The following SOX6 variants were observed in gnomAD, a reference collection of about 807,000 sequenced individuals.
The protein encoded by SOX6 is transcription factor SOX-6.
SOX6 carries 11 observed loss-of-function variants against 97.8 expected under a neutral mutation model. The ratio of observed to expected loss-of-function variants is 0.11; its 90% confidence interval spans 0.07 to 0.19. SOX6 has a LOEUF of 0.19. Ranked by LOEUF, SOX6 falls within the 10% of genes least tolerant of loss-of-function variation. The pLI is 1.00. For missense variants in SOX6, 810 were observed against 1,039.5 expected (o/e 0.78, Z 3.04); for synonymous variants, 360 against 371.4 (o/e 0.97, Z 0.35).
intron 6 of SOX6, among the ~76,000 whole-genome samples, chr11:16,126,300 A>G (rs915892861): frequency 1.3e-5 from 2 of 152,096 alleles, no homozygotes; most frequent in Non-Finnish European, 2.9e-5. Context: ...AGTTCCCCCA[A>G]ATGAATGACA....
intron 3 of SOX6, among the ~76,000 whole-genome samples, chr11:16,629,059 T>C (rs183641499): frequency 1.7e-4 from 26 of 152,342 alleles, no homozygotes; most frequent in Non-Finnish European, 2.5e-4. Flanking sequence ...TTTGACTTCT[T>C]CTTTTCCTAT....
rs576322488 is a variant in SOX6 at position 15,986,873 on chromosome 11, G to C, written c.1967-453C>G. On this transcript the variant is annotated intron_variant, in intron 14 of 15. Transcript: ENST00000683767. The stretch of plus-strand genomic sequence containing the variant: ...GAAACTATCCTTTGACAAGATGTCA[G>C]CAGATGTTGAAATCATTCCATATAT... Among the ~76,000 whole-genome samples the C allele has an allele frequency of 2.5e-3, 386 of 152,282 alleles. 1 individual carries two copies. Among genetic ancestry groups the C allele is most frequent in the Non-Finnish European group, 4.4e-3 (301 of 68,020 alleles).
intron 1 of SOX6, among the ~76,000 whole-genome samples, chr11:16,390,902 T>C (rs546602420): frequency 1.0e-3 from 159 of 152,336 alleles, no homozygotes; most frequent in African/African-American, 3.8e-3. Flanking sequence ...TGTATGTTTA[T>C]TGTGGCACTA....
At chr11:15,990,416 T>A (rs914272558) in intron 13 of SOX6, among the ~76,000 whole-genome samples, 2 of 151,796 alleles carry the variant, frequency 1.3e-5, no homozygotes, top group African/African-American at 2.4e-5. Context: ...CTATATAATT[T>A]CCAAAGAGCT....
rs535742817 is a variant in SOX6 at position 16,707,814 on chromosome 11, C to T, written n.429+7016G>A. 7.9e-5 allele frequency among the ~76,000 whole-genome samples: 12 copies of T among 152,080 alleles called. No individual in the cohort carries two copies. In the South Asian group the frequency reaches 1.5e-3, roughly 18 times the overall value. On this transcript the variant is annotated intron_variant and non_coding_transcript_variant, in intron 3 of 5. Coordinates refer to the SOX6 transcript ENST00000524520. ...TTACTTTCAGCAAAGTAAAGAATGC[C>T]CCTGAGTTCATCTTAATCCACTTTT...
chr11:16,212,083 C>T (rs1268052513), intron 4 of SOX6, among the ~76,000 whole-genome samples: 1 of 152,128 alleles, frequency 6.6e-6, no homozygotes, highest in Admixed American at 6.5e-5. Context: ...GGTACCCTCA[C>T]CCATCCTGTG....
chr11:16,561,158 AG>A (rs1847810863), intron 4 of SOX6, among the ~76,000 whole-genome samples: 1 of 152,138 alleles, frequency 6.6e-6, no homozygotes, highest in Non-Finnish European at 1.5e-5. Context: ...GCAGAAATAA[AG>A]GGGAGGAATA....
chr11:16,443,446 T>C (rs1163792684), intron 1 of SOX6, among the ~76,000 whole-genome samples: 1 of 152,218 alleles, frequency 6.6e-6, no homozygotes, highest in Non-Finnish European at 1.5e-5. Flanking sequence ...TTTAATAATA[T>C]TTATTTAGCA....
intron 4 of SOX6, among the ~76,000 whole-genome samples, chr11:16,525,315 A>C (rs949824218): frequency 2.6e-5 from 4 of 151,324 alleles, no homozygotes; most frequent in Admixed American, 2.6e-4. Context: ...CAGAGCCCTC[A>C]GAAATAACGC....
At chr11:16,691,305 T>C (rs533645971) in intron 3 of SOX6, among the ~76,000 whole-genome samples, 4 of 152,334 alleles carry the variant, frequency 2.6e-5, no homozygotes, top group Admixed American at 1.3e-4. Context: ...GACACTGTCT[T>C]GTTTGTTTTA....
At chr11:16,531,688 G>A (rs1017076250) in intron 4 of SOX6, among the ~76,000 whole-genome samples, 5 of 151,680 alleles carry the variant, frequency 3.3e-5, no homozygotes, top group South Asian at 2.1e-4. Context: ...ATATCCACTC[G>A]CAGACTTGGT....
At chr11:16,326,496 T>G (rs149959183) in intron 2 of SOX6, among the ~76,000 whole-genome samples, 1 of 151,998 alleles carries the variant, frequency 6.6e-6, no homozygotes, top group Non-Finnish European at 1.5e-5. Flanking sequence ...TTCTAATCCA[T>G]AGGGCTACAG....
intron 6 of SOX6, among the ~76,000 whole-genome samples, chr11:16,121,018 C>G (rs1849477351): frequency 6.6e-6 from 1 of 152,074 alleles, no homozygotes; most frequent in Non-Finnish European, 1.5e-5. Context: ...CCAATCCTTT[C>G]CTTTGTGTTA....
chr11:16,472,166 T>C (rs1860150889), intron 1 of SOX6, among the ~76,000 whole-genome samples: 1 of 152,178 alleles, frequency 6.6e-6, no homozygotes, highest in African/African-American at 2.4e-5. Flanking sequence ...CTTTGGGTGA[T>C]AAGAAATGTA....
chr11:16,267,750 T>G (rs1283674680), intron 3 of SOX6, among the ~76,000 whole-genome samples: 1 of 151,598 alleles, frequency 6.6e-6, no homozygotes, highest in Non-Finnish European at 1.5e-5. Context: ...ATGCCTATGT[T>G]CACTGCAGCA....
chr11:16,390,998 A>G (rs2134425550), intron 1 of SOX6, among the ~76,000 whole-genome samples: 1 of 152,330 alleles, frequency 6.6e-6, no homozygotes, highest in East Asian at 1.9e-4. Context: ...TACACCATGG[A>G]ATACTATGCA....
chr11:16,373,724 T>A (rs1329892085), intron 1 of SOX6, among the ~76,000 whole-genome samples: 1 of 151,262 alleles, frequency 6.6e-6, no homozygotes, highest in African/African-American at 2.4e-5. Flanking sequence ...ACAAATACAT[T>A]GAATAAACAC....
chr11:16,280,812 T>C (rs1854537060), intron 3 of SOX6, among the ~76,000 whole-genome samples: 1 of 152,178 alleles, frequency 6.6e-6, no homozygotes, highest in African/African-American at 2.4e-5. Flanking sequence ...TGGTTATATG[T>C]ATGAATATTC....
chr11:16,160,111 T>C (rs1850708355), intron 6 of SOX6, among the ~76,000 whole-genome samples: 1 of 152,116 alleles, frequency 6.6e-6, no homozygotes, highest in Admixed American at 6.6e-5. Context: ...AGCTACAAGA[T>C]AGGTTTACGG....
Sources: allele counts gnomAD v4.1 joint callset (sites outside exome capture counted in the v4.1 genomes callset), GRCh38; gene constraint gnomAD v4.1.1; transcripts MANE v1.5; gene names NCBI Gene and HGNC (gene_info 2026-07-23, HGNC 2026-07-21).